The following ZFYVE26 variants were observed in gnomAD, a reference collection of about 807,000 sequenced individuals.
The protein encoded by ZFYVE26 is zinc finger FYVE domain-containing protein 26.
In ZFYVE26, 181 loss-of-function variants were observed where a neutral mutation model predicts 276.5. The ratio of observed to expected loss-of-function variants is 0.65; its 90% CI spans 0.58 to 0.74. The LOEUF is 0.74. Among genes scored for constraint, ZFYVE26 ranks in the 30% least tolerant of loss-of-function variants. The pLI is 0.00. For synonymous variants in ZFYVE26, 1,129 were observed against 1,203.1 expected, an observed-to-expected ratio of 0.94 and a Z score of 1.27; for missense variants, 2,821 against 3,097.9, an observed-to-expected ratio of 0.91 and a Z score of 2.12.
rs2038770461 is a variant in ZFYVE26 at position 67,756,042 on chromosome 14, A to G, written c.6692T>C (p.Leu2231Ser). Residue 2231 changes from leucine to serine, a missense_variant, in exon 36 of 42, where the codon TTG (leucine) becomes TCG (serine). Transcript: ENST00000347230. ...AATCAAGTACTTTCCCCAGCTCTCC[A>G]AGGTTGGATCAATGGATTCTAGCAA... ...ENLLESIDPT[L>S]ESWGKYLIAA... The G allele has an allele frequency of 1.9e-6, 3 of 1,614,218 alleles. No homozygotes were observed. The highest frequency in any genetic ancestry group is 2.5e-6 in the Non-Finnish European group (3 of 1,180,036).
rs201229339 is a variant in ZFYVE26, at chr14:67,809,202, C to G, written c.361G>C (p.Glu121Gln). Residue 121 changes from glutamate to glutamine, a missense_variant and splice_region_variant, in exon 4 of 42, where the codon GAG becomes CAG. Coordinates refer to ENST00000347230, the MANE Select transcript of ZFYVE26 (RefSeq NM_015346.4). ...ATGGTACCAGGGCTCTCTCTCACCT[C>G]GAGGATGTTCTCTGGAATGTCACCT... ...LQGDIPENILEELYETLTQGA... is the reference protein window; with the variant it reads ...LQGDIPENILQELYETLTQGA... The G allele has an allele frequency of 6.8e-6, 11 of 1,613,762 alleles. No homozygotes were observed. The highest frequency in any genetic ancestry group is 5.9e-6 in the Non-Finnish European group (7 of 1,179,774).
chr14:67,742,441 T>C (rs1432700358), downstream of ZFYVE26, among the ~76,000 whole-genome samples: 10 of 152,226 alleles, frequency 6.6e-5, no homozygotes, highest in Non-Finnish European at 1.5e-4. Flanking sequence ...ATCTTTCAAG[T>C]CTTTCAAGGA....
chr14:67,809,153 T>G (rs1200942099), intron 4 of ZFYVE26, 47 bp downstream of exon 4: 3 of 1,528,130 alleles, frequency 2.0e-6, no homozygotes, highest in Non-Finnish European at 9.1e-7. Flanking sequence ...CTAAGCTGCT[T>G]AAGTGACTGT....
chr14:67,776,411 A>G (rs937210070), intron 25 of ZFYVE26, among the ~76,000 whole-genome samples: 1 of 152,230 alleles, frequency 6.6e-6, no homozygotes, highest in Non-Finnish European at 1.5e-5. Flanking sequence ...AGCTCTGCAC[A>G]TGTACCTTGA....
intron 13 of ZFYVE26, among the ~76,000 whole-genome samples, chr14:67,737,131 G>A (rs913924104): frequency 2.8e-5 from 3 of 107,184 alleles, no homozygotes; most frequent in African/African-American, 1.1e-4. Flanking sequence ...GTCTCTCTCT[G>A]TTGCCCATGC....
chr14:67,790,492 C>G, intron 15 of ZFYVE26, 80 bp downstream of exon 15: 1 of 1,473,322 alleles, frequency 6.8e-7, no homozygotes, highest in Non-Finnish European at 9.4e-7. Flanking sequence ...CATGAGGAGC[C>G]TAGGATTTTA....
intron 35 of ZFYVE26, among the ~76,000 whole-genome samples, chr14:67,758,393 A>G (rs2038842931): frequency 6.6e-6 from 1 of 152,172 alleles, no homozygotes; most frequent in South Asian, 2.1e-4. Context: ...CATGCCATCC[A>G]TTTATCTATC....
In ZFYVE26 at chr14:67,748,654, TAA is replaced by T. The variant is rs755733053; in HGVS notation, c.7417-17_7417-16del. ...TAGGCCCGAACCTGGCAGTCAGTTATAAGAGACAGCGGAAAGGCATCCATCAC... is the reference window on the plus strand; with the variant it reads ...TAGGCCCGAACCTGGCAGTCAGTTATGAGACAGCGGAAAGGCATCCATCAC... On this transcript the variant is annotated splice_polypyrimidine_tract_variant and intron_variant, in intron 41 of 41. Transcript: ENST00000347230. The T allele has an allele frequency of 9.3e-6, 15 of 1,613,366 alleles. No homozygotes were observed. The African/African-American group carries it at 1.7e-4, about 19-fold the overall frequency.
At chr14:67,751,750 G>A (rs973947282) in intron 40 of ZFYVE26, among the ~76,000 whole-genome samples, 7 of 152,046 alleles carry the variant, frequency 4.6e-5, no homozygotes, top group African/African-American at 1.7e-4. Context: ...GTGGGCGCCT[G>A]TAGTCCCAGC....
intron 19 of ZFYVE26, 94 bp from the exon 20 acceptor site, chr14:67,784,530 A>G: frequency 9.1e-7 from 1 of 1,097,070 alleles, no homozygotes; most frequent in Admixed American, 1.7e-5. Flanking sequence ...TACAGTGTCA[A>G]GATGAAGACA....
In ZFYVE26 at chr14:67,747,807, G is replaced by C. The variant is rs759750069; in HGVS notation, c.*629C>G. 1 of 154,940 alleles carries C rather than the reference G, an allele frequency of 6.5e-6. No homozygotes were observed. Among genetic ancestry groups the C allele is most frequent in the Non-Finnish European group, 1.4e-5 (1 of 69,672 alleles). The allele number at this position is 154,940 out of a possible 1,614,324, so 9.6% of individuals were successfully genotyped here. Reference sequence around the variant, plus strand: ...CCTTCTATTCAGACTACCTTCCAAAGACTCCAGGACTTCTTGTGCTTGGGA... The same window carrying C: ...CCTTCTATTCAGACTACCTTCCAAACACTCCAGGACTTCTTGTGCTTGGGA... On this transcript the variant is annotated 3_prime_UTR_variant, in exon 42 of 42. Coordinates refer to ENST00000347230, the MANE Select transcript of ZFYVE26 (RefSeq NM_015346.4).
intron 27 of ZFYVE26, among the ~76,000 whole-genome samples, chr14:67,774,482 G>C (rs1481215138): frequency 4.2e-5 from 6 of 142,182 alleles, no homozygotes; most frequent in African/African-American, 1.5e-4. Flanking sequence ...CTGAGCAACA[G>C]AGCAAGACTC....
chr14:67,737,690 T>C (rs1329299491), intron 13 of ZFYVE26, among the ~76,000 whole-genome samples: 5 of 152,230 alleles, frequency 3.3e-5, no homozygotes, highest in African/African-American at 1.2e-4. Context: ...TATATTTACA[T>C]AGATAATATG....
chr14:67,740,003 T>A (rs2038396978), intron 13 of ZFYVE26, among the ~76,000 whole-genome samples: 1 of 152,040 alleles, frequency 6.6e-6, no homozygotes, highest in Non-Finnish European at 1.5e-5. Flanking sequence ...GTGGTTCTGC[T>A]CCCCATGGCC....
Position 67,746,753 on chromosome 14 carries a change from T to G in ZFYVE26, c.*1683A>C, listed in dbSNP as rs1233449180. ...TTATCCCAAATTAAGGGCTGCAAGA[T>G]TTGTGACCCATTAGTATAAAGTGCT... On this transcript the variant is annotated 3_prime_UTR_variant, in exon 42 of 42. Transcript: ENST00000347230. The G allele has an allele frequency of 6.6e-6, 1 of 152,542 alleles. No individual in the cohort carries two copies. Among genetic ancestry groups the G allele is most frequent in the East Asian group, 1.9e-4 (1 of 5,192 alleles). 9.4% of individuals were successfully genotyped at this position (152,542 alleles called of 1,614,324 possible).
At chr14:67,791,117 C>T (rs535508705) in intron 14 of ZFYVE26, among the ~76,000 whole-genome samples, 33 of 152,160 alleles carry the variant, frequency 2.2e-4, no homozygotes, top group African/African-American at 6.7e-4. Context: ...TAACAAAGCA[C>T]AAAAATAAAT....
At chr14:67,734,707 C>G (rs749026069) in intron 13 of ZFYVE26, among the ~76,000 whole-genome samples, 5 of 152,108 alleles carry the variant, frequency 3.3e-5, no homozygotes, top group Non-Finnish European at 5.9e-5. Context: ...AATCTGGCAC[C>G]CAAAAGGAAA....
exon 14 of ZFYVE26, chr14:67,729,321 G>T: frequency 2.5e-6 from 4 of 1,600,088 alleles, no homozygotes; most frequent in Non-Finnish European, 3.4e-6. Context: ...AGGGGGCGCA[G>T]ACCAGCCTGC....
At chr14:67,809,415 T>A (rs879007833) in intron 3 of ZFYVE26, 126 bp from the exon 4 acceptor site, 22 of 577,040 alleles carry the variant, frequency 3.8e-5, no homozygotes, top group Middle Eastern at 4.8e-4. Flanking sequence ...ACTCTTTTTT[T>A]TTTTTTTTTT....
Sources: allele counts gnomAD v4.1 joint callset (sites outside exome capture counted in the v4.1 genomes callset), GRCh38; gene constraint gnomAD v4.1.1; transcripts MANE v1.5; gene names NCBI Gene and HGNC (gene_info 2026-07-23, HGNC 2026-07-21).